PLXDC2: variants seen among roughly 807,000 people sequenced by gnomAD.
The protein encoded by PLXDC2 is plexin domain-containing protein 2.
A neutral mutation model predicts 68.9 loss-of-function variants in PLXDC2; 40 were observed. The ratio of observed to expected loss-of-function variants is 0.58; its 90% CI spans 0.45 to 0.76. PLXDC2 has a LOEUF of 0.76. PLXDC2 is among the 30% of genes least tolerant of loss of function. The pLI, the probability that PLXDC2 is intolerant of heterozygous loss-of-function variation, is 0.00. For missense variants in PLXDC2, 644 were observed against 661.9 expected (o/e 0.97, Z 0.30); for synonymous variants, 243 against 234.2 (o/e 1.04, Z -0.34).
chr10:20,262,894 A>T (rs1196436901), intron 13 of PLXDC2, among the ~76,000 whole-genome samples: 2 of 152,162 alleles, frequency 1.3e-5, no homozygotes, highest in African/African-American at 2.4e-5. Flanking sequence ...CTCTTGCCAG[A>T]TATACTGAGC....
chr10:20,192,190 A>T (rs1214428348), intron 9 of PLXDC2, among the ~76,000 whole-genome samples: 1 of 152,038 alleles, frequency 6.6e-6, no homozygotes, highest in Non-Finnish European at 1.5e-5. Flanking sequence ...ATGAAAAAGC[A>T]AATGCTAAGG....
intron 4 of PLXDC2, among the ~76,000 whole-genome samples, chr10:20,124,337 T>G (rs1833741493): frequency 6.6e-6 from 1 of 152,044 alleles, no homozygotes; most frequent in Non-Finnish European, 1.5e-5. Context: ...AGAAAGTGGT[T>G]GAGGGACAGT....
chr10:20,139,105 T>G (rs2131785570), intron 4 of PLXDC2, among the ~76,000 whole-genome samples: 1 of 152,312 alleles, frequency 6.6e-6, no homozygotes, highest in East Asian at 1.9e-4. Context: ...AATGACTCGA[T>G]GAGGCTTACA....
At chr10:19,973,285 T>A (rs1042743848) in intron 1 of PLXDC2, among the ~76,000 whole-genome samples, 1 of 111,284 alleles carries the variant, frequency 9.0e-6, no homozygotes, top group South Asian at 3.1e-4. Flanking sequence ...TGTATACACA[T>A]ACATATATAT....
chr10:20,196,980 G>A (rs1190198598), intron 9 of PLXDC2, among the ~76,000 whole-genome samples: 1 of 126,840 alleles, frequency 7.9e-6, no homozygotes, highest in Non-Finnish European at 1.7e-5. Context: ...AGTCAGATGT[G>A]GCAAAGTTGG....
intron 1 of PLXDC2, among the ~76,000 whole-genome samples, chr10:19,878,148 A>G (rs1349792753): frequency 6.6e-6 from 1 of 151,726 alleles, no homozygotes; most frequent in Admixed American, 6.6e-5. Context: ...TATGTGGAAT[A>G]TAAATATTTG....
intron 13 of PLXDC2, among the ~76,000 whole-genome samples, chr10:20,249,752 G>A (rs1458088189): frequency 6.6e-6 from 1 of 152,156 alleles, no homozygotes; most frequent in African/African-American, 2.4e-5. Context: ...ATCTTTGGGA[G>A]GCCATTATTC....
At chr10:20,166,626 T>C (rs1834378336) in intron 7 of PLXDC2, among the ~76,000 whole-genome samples, 1 of 152,194 alleles carries the variant, frequency 6.6e-6, no homozygotes, top group Non-Finnish European at 1.5e-5. Context: ...TTGCTTTTTT[T>C]AATTGCTGAA....
chr10:19,915,255 G>T (rs927671711), intron 1 of PLXDC2, among the ~76,000 whole-genome samples: 1 of 151,936 alleles, frequency 6.6e-6, no homozygotes, highest in African/African-American at 2.4e-5. Context: ...GTTCCATTTT[G>T]CTCTACCTAT....
chr10:20,012,669 G>A (rs1262339471), intron 2 of PLXDC2, among the ~76,000 whole-genome samples: 2 of 151,964 alleles, frequency 1.3e-5, no homozygotes, highest in African/African-American at 4.8e-5. Context: ...TCTTATCCAT[G>A]CATTGCTTTT....
At chr10:20,266,931 T>A (rs1835879148) in intron 13 of PLXDC2, among the ~76,000 whole-genome samples, 1 of 152,140 alleles carries the variant, frequency 6.6e-6, no homozygotes, top group Non-Finnish European at 1.5e-5. Flanking sequence ...ACAAACAGCA[T>A]CATGAAATGA....
At chr10:20,125,515 G>C (rs887090749) in intron 4 of PLXDC2, among the ~76,000 whole-genome samples, 1 of 152,056 alleles carries the variant, frequency 6.6e-6, no homozygotes, top group Admixed American at 6.6e-5. Flanking sequence ...ATGTAGGCAC[G>C]ATCACAACTC....
chr10:19,870,780 T>C (rs1166267192), intron 1 of PLXDC2, among the ~76,000 whole-genome samples: 1 of 152,202 alleles, frequency 6.6e-6, no homozygotes, highest in Non-Finnish European at 1.5e-5. Flanking sequence ...TGTTTCTATG[T>C]AACACCTGTT....
chr10:20,181,061 G>GAAATATAT (rs1244407769), intron 9 of PLXDC2, among the ~76,000 whole-genome samples: 1 of 152,034 alleles, frequency 6.6e-6, no homozygotes, highest in Non-Finnish European at 1.5e-5. Context: ...TAAGCAAATA[G>GAAATATAT]ATATATAGAA....
At chr10:20,076,637 C>G (rs1836456112) in intron 4 of PLXDC2, among the ~76,000 whole-genome samples, 1 of 152,078 alleles carries the variant, frequency 6.6e-6, no homozygotes, top group African/African-American at 2.4e-5. Context: ...TCTGTTGTTT[C>G]CTTTGATGAC....
intron 1 of PLXDC2, among the ~76,000 whole-genome samples, chr10:19,885,175 C>T (rs564601774): frequency 3.1e-3 from 477 of 152,074 alleles, no homozygotes; most frequent in Admixed American, 7.1e-3. Context: ...CTGTTCATGT[C>T]CTTTGCCCAC....
intron 1 of PLXDC2, among the ~76,000 whole-genome samples, chr10:19,863,938 C>A (rs558980407): frequency 8.5e-5 from 13 of 152,160 alleles, no homozygotes; most frequent in African/African-American, 2.9e-4. Context: ...ATGTATAATA[C>A]AACATACTGT....
intron 12 of PLXDC2, among the ~76,000 whole-genome samples, chr10:20,227,585 G>C (rs1011544618): frequency 1.3e-4 from 20 of 152,226 alleles, no homozygotes; most frequent in African/African-American, 4.8e-4. Flanking sequence ...GGCTGAGAAG[G>C]TGGGCTTGTT....
chr10:19,832,140 T>C (rs1423314854), intron 1 of PLXDC2, among the ~76,000 whole-genome samples: 2 of 152,256 alleles, frequency 1.3e-5, no homozygotes, highest in Non-Finnish European at 2.9e-5. Flanking sequence ...TATTTAATAC[T>C]TTTGTTTATT....
Sources: allele counts gnomAD v4.1 joint callset (sites outside exome capture counted in the v4.1 genomes callset), GRCh38; gene constraint gnomAD v4.1.1; transcripts MANE v1.5; gene names NCBI Gene and HGNC (gene_info 2026-07-23, HGNC 2026-07-21).